The following UPP2 variants were observed in gnomAD, a reference collection of about 807,000 sequenced individuals.
UPP2 encodes the protein UPase 2.
In UPP2, 23 loss-of-function variants were observed where a neutral mutation model predicts 26.7. The ratio of observed to expected loss-of-function variants is 0.86; its 90% CI spans 0.62 to 1.22. The LOEUF is 1.22. UPP2 is among the 50% of genes most tolerant of loss of function. The probability of loss-of-function intolerance (pLI) is 0.00; values close to 1 mark genes in which losing one functional copy is unlikely to be tolerated. For missense variants in UPP2, 387 were observed against 396.7 expected (o/e 0.98, Z 0.21); for synonymous variants, 127 against 141.3 (o/e 0.90, Z 0.72).
intron 3 of UPP2, among the ~76,000 whole-genome samples, chr2:158,017,415 G>A (rs1683677507): frequency 6.6e-6 from 1 of 151,172 alleles, no homozygotes; most frequent in Non-Finnish European, 1.5e-5. Context: ...ATCTCTCCTG[G>A]AAGGAAGCAG....
chr2:158,079,245 C>A (rs1482100583), intron 3 of UPP2, among the ~76,000 whole-genome samples: 2 of 151,846 alleles, frequency 1.3e-5, no homozygotes, highest in African/African-American at 4.8e-5. Flanking sequence ...TAACACATAC[C>A]CCATAATATA....
chr2:158,106,328 C>T (rs538378924), intron 2 of UPP2, 112 bp downstream of exon 2: 6 of 812,686 alleles, frequency 7.4e-6, no homozygotes, highest in South Asian at 3.3e-5. Context: ...CCAATAGGAA[C>T]TGAAGTCACA....
Position 158,085,795 on chromosome 2 carries a change from G to A in UPP2, c.148-16245G>A, listed in dbSNP as rs939005762. Among the ~76,000 whole-genome samples the A allele has an allele frequency of 7.2e-5, 11 of 152,162 alleles. No individual in the cohort carries two copies. The South Asian group carries it at 1.9e-3, about 26-fold the overall frequency. On this transcript the variant is annotated intron_variant, in intron 3 of 9. Coordinates refer to the UPP2 transcript ENST00000605860. ...TTGTTTTTAATTCTGTTTATGTGGTGTATCACATTTATTGACTTACATATG... is the reference window on the plus strand; with the variant it reads ...TTGTTTTTAATTCTGTTTATGTGGTATATCACATTTATTGACTTACATATG...
chr2:158,103,185 T>C (rs1194050455), intron 1 of UPP2, among the ~76,000 whole-genome samples: 1 of 152,226 alleles, frequency 6.6e-6, no homozygotes, highest in Non-Finnish European at 1.5e-5. Context: ...AAAGTGATCA[T>C]CTTAGAAGTG....
At chr2:158,094,298 A>C (rs1018799216) in intron 3 of UPP2, among the ~76,000 whole-genome samples, 2 of 152,228 alleles carry the variant, frequency 1.3e-5, no homozygotes, top group Admixed American at 1.3e-4. Flanking sequence ...TTGGGTAGTA[A>C]CTACACAGGC....
intron 6 of UPP2, chr2:158,126,915 C>T (rs2105231598): frequency 6.6e-6 from 1 of 152,394 alleles, no homozygotes; most frequent in East Asian, 1.9e-4. Context: ...GACACCTCTT[C>T]TGTTCCTTTA....
intron 3 of UPP2, among the ~76,000 whole-genome samples, chr2:158,091,332 T>C (rs1682908814): frequency 6.6e-6 from 1 of 152,266 alleles, no homozygotes; most frequent in South Asian, 2.1e-4. Context: ...ATGGGAAGAT[T>C]AGCACTTCAA....
At chr2:158,104,846 A>G (rs113427767) in intron 1 of UPP2, among the ~76,000 whole-genome samples, 3,623 of 149,570 alleles carry the variant, frequency 0.024, 121 homozygotes, top group African/African-American at 0.081. Context: ...CGCTTGAACC[A>G]GGAGGCGGAG....
intron 2 of UPP2, chr2:158,015,662 G>T: frequency 2.5e-6 from 1 of 398,812 alleles, no homozygotes; most frequent in African/African-American, 2.1e-5. Flanking sequence ...GGGGCCTGGC[G>T]GGAGGTGACT....
intron 3 of UPP2, among the ~76,000 whole-genome samples, chr2:158,032,989 GGTATT>G (rs765543721): frequency 3.3e-5 from 5 of 151,936 alleles, no homozygotes. Flanking sequence ...CATTCCTTCT[GGTATT>G]TACCAGTATT....
intron 3 of UPP2, among the ~76,000 whole-genome samples, chr2:158,025,772 A>T (rs1402956337): frequency 2.0e-5 from 3 of 152,070 alleles, no homozygotes; most frequent in African/African-American, 7.2e-5. Context: ...TCAGAGAGCA[A>T]CTCCTGGCCA....
intron 5 of UPP2, 129 bp from the exon 6 acceptor site, chr2:158,123,620 A>T (rs1166812117): frequency 2.7e-5 from 29 of 1,088,860 alleles, no homozygotes; most frequent in Non-Finnish European, 3.6e-5. Context: ...AGCTCAGTTT[A>T]TCCTACACGG....
At position 158,040,257 on chromosome 2, in the gene UPP2, A is replaced by G. The variant is rs138891569; in HGVS notation, c.147+24371A>G. On this transcript the variant is annotated intron_variant, in intron 3 of 9. Coordinates refer to the UPP2 transcript ENST00000605860. ...GAAAGATAATTGGATTTCTAACTCT[A>G]TTTGTTGAAAATTCACTTAATATTA... Among the ~76,000 whole-genome samples the G allele has an allele frequency of 4.4e-3, 670 of 152,274 alleles. 1 individual carries two copies. The highest frequency in any genetic ancestry group is 0.015 in the African/African-American group (605 of 41,552).
chr2:158,133,426 G>A (rs530238136), intron 6 of UPP2, among the ~76,000 whole-genome samples: 1 of 152,186 alleles, frequency 6.6e-6, no homozygotes, highest in African/African-American at 2.4e-5. Context: ...GTTACAAGGA[G>A]GATTAAGCTC....
At chr2:158,091,535 TG>T (rs1682911791) in intron 3 of UPP2, among the ~76,000 whole-genome samples, 1 of 152,198 alleles carries the variant, frequency 6.6e-6, no homozygotes, top group Non-Finnish European at 1.5e-5. Flanking sequence ...TCTCAATGCA[TG>T]GTATATTTGT....
intron 4 of UPP2, among the ~76,000 whole-genome samples, chr2:158,119,360 G>A (rs1683511174): frequency 2.6e-5 from 4 of 152,046 alleles, no homozygotes; most frequent in African/African-American, 9.7e-5. Flanking sequence ...CTGTACTGGT[G>A]TGGACACCTT....
At chr2:158,089,197 G>A (rs757090456) in intron 3 of UPP2, among the ~76,000 whole-genome samples, 6 of 152,092 alleles carry the variant, frequency 3.9e-5, no homozygotes, top group Non-Finnish European at 7.4e-5. Flanking sequence ...CAGGCCAATG[G>A]AGTTACGTTC....
At chr2:158,059,303 C>G (rs1283430180) in intron 3 of UPP2, among the ~76,000 whole-genome samples, 1 of 152,210 alleles carries the variant, frequency 6.6e-6, no homozygotes, top group Non-Finnish European at 1.5e-5. Flanking sequence ...CATCAGGTAA[C>G]CAAGCTAGTG....
At chr2:158,028,867 T>G (rs1040869801) in intron 3 of UPP2, among the ~76,000 whole-genome samples, 1 of 152,218 alleles carries the variant, frequency 6.6e-6, no homozygotes, top group Non-Finnish European at 1.5e-5. Flanking sequence ...TCATGAGACT[T>G]ATTCACTACC....
Sources: allele counts gnomAD v4.1 joint callset (sites outside exome capture counted in the v4.1 genomes callset), GRCh38; gene constraint gnomAD v4.1.1; transcripts MANE v1.5; gene names NCBI Gene and HGNC (gene_info 2026-07-23, HGNC 2026-07-21).